The following IL31RA variants were observed in gnomAD, a reference collection of about 807,000 sequenced individuals.
IL31RA encodes the protein interleukin 31 receptor A, also known as interleukin-31 receptor subunit alpha.
Under a neutral mutation model 83.7 loss-of-function variants are expected in IL31RA, and 66 were observed. The observed-to-expected ratio is 0.79, with a 90% CI of 0.65 to 0.97. The LOEUF (loss-of-function observed/expected upper bound fraction) is 0.97. Ranked by LOEUF, IL31RA falls within the 50% of genes least tolerant of loss-of-function variation. The probability of loss-of-function intolerance (pLI) is 0.00; values close to 1 mark genes in which losing one functional copy is unlikely to be tolerated. For missense variants in IL31RA, 798 were observed against 919.4 expected, an observed-to-expected ratio of 0.87 and a Z score of 1.71; for synonymous variants, 325 against 329.0, an observed-to-expected ratio of 0.99 and a Z score of 0.13.
chr5:55,881,284 A>T (rs1287653743), intron 4 of IL31RA, among the ~76,000 whole-genome samples: 1 of 148,976 alleles, frequency 6.7e-6, no homozygotes. Context: ...CGTGGGTGAC[A>T]GAGCAAGGCT....
intron 8 of IL31RA, among the ~76,000 whole-genome samples, chr5:55,904,835 CTTTT>C (rs10651049): frequency 7.5e-6 from 1 of 132,892 alleles, no homozygotes. Flanking sequence ...TTTTGGGTTT[CTTTT>C]TTTTTTTTTT....
the IL31RA span, among the ~76,000 whole-genome samples, chr5:55,842,031 C>T: frequency 6.6e-6 from 1 of 152,084 alleles, no homozygotes; most frequent in African/African-American, 2.4e-5. Context: ...CCTCCCACAT[C>T]AGCCTCCTAA....
chr5:55,890,171 C>G, intron 6 of IL31RA, 36 bp downstream of exon 6: 1 of 1,606,470 alleles, frequency 6.2e-7, no homozygotes, highest in Non-Finnish European at 8.5e-7. Context: ...CCTGTCTGCT[C>G]TGGTGTAGGG....
chr5:55,858,620 CCTTTT>C (rs1334288999), intron 1 of IL31RA, among the ~76,000 whole-genome samples: 1 of 151,946 alleles, frequency 6.6e-6, no homozygotes, highest in Non-Finnish European at 1.5e-5. Context: ...TGTAAAGAAC[CCTTTT>C]CTTTTTTTTT....
chr5:55,893,809 ATT>A (rs66540216), intron 6 of IL31RA, among the ~76,000 whole-genome samples: 2,199 of 125,874 alleles, frequency 0.017, 23 homozygotes, highest in Middle Eastern at 0.06. Context: ...CTATGAGATA[ATT>A]TTTTTTTTTT....
At chr5:55,870,495 A>G (rs1336103849) in intron 3 of IL31RA, among the ~76,000 whole-genome samples, 1 of 152,208 alleles carries the variant, frequency 6.6e-6, no homozygotes, top group African/African-American at 2.4e-5. Context: ...TAGAATGAGA[A>G]TCTGGGCACC....
chr5:55,860,434 C>T (rs1438685430), intron 2 of IL31RA, among the ~76,000 whole-genome samples: 1 of 151,926 alleles, frequency 6.6e-6, no homozygotes, highest in Non-Finnish European at 1.5e-5. Context: ...ACTGCACTCA[C>T]CCATTTTCAG....
intron 2 of IL31RA, among the ~76,000 whole-genome samples, chr5:55,862,358 A>T (rs537127024): frequency 1.3e-5 from 2 of 152,300 alleles, no homozygotes; most frequent in South Asian, 4.1e-4. Context: ...TCCAAATTTT[A>T]TTTGGATTTC....
chr5:55,874,182 G>A (rs960832800), intron 4 of IL31RA, among the ~76,000 whole-genome samples: 1 of 152,020 alleles, frequency 6.6e-6, no homozygotes, highest in African/African-American at 2.4e-5. Context: ...TTGTTGAATT[G>A]TCTTGGCACC....
chr5:55,913,656 A>T (rs1749628378), intron 13 of IL31RA, 86 bp downstream of exon 13: 17 of 834,484 alleles, frequency 2.0e-5, no homozygotes, highest in Non-Finnish European at 3.6e-5. Flanking sequence ...AGGAGAGGGC[A>T]CTCTACCATT....
Position 55,920,222 on chromosome 5 carries a change from G to C in IL31RA, c.*3102G>C, listed in dbSNP as rs1750023918. Among the ~76,000 whole-genome samples the C allele has an allele frequency of 1.3e-5, 2 of 152,188 alleles. No individual in the cohort carries two copies. Among genetic ancestry groups the C allele is most frequent in the African/African-American group, 2.4e-5 (1 of 41,436 alleles). ...CAGTATGGATGCCTCCGGCTGCTCT[G>C]CTGATGCTCTGTGTGCGAGGAAAGC... On this transcript the variant is annotated 3_prime_UTR_variant, in exon 15 of 15. Transcript: ENST00000652347.
chr5:55,876,210 A>G (rs1368669319), intron 4 of IL31RA, among the ~76,000 whole-genome samples: 1 of 152,138 alleles, frequency 6.6e-6, no homozygotes, highest in African/African-American at 2.4e-5. Context: ...GATTGAGACC[A>G]TCCTGGCCAA....
At chr5:55,869,787 T>A (rs570923524) in intron 3 of IL31RA, among the ~76,000 whole-genome samples, 35 of 152,298 alleles carry the variant, frequency 2.3e-4, no homozygotes, top group African/African-American at 8.4e-4. Flanking sequence ...TTAACAAAAA[T>A]TTTTAACATA....
chr5:55,890,253 G>GC lies in IL31RA; in HGVS notation c.772+123dup, dbSNP rs576296824. ...ATCATGGAATCTCATGACCCCAGGG[G>GC]CCCCCTGTACCATCGAGAGTGAGCC... On this transcript the variant is annotated intron_variant, in intron 6 of 14. Transcript: ENST00000652347. 2.8e-4 allele frequency: 275 copies of GC among 997,152 alleles called. No individual in the cohort carries two copies. In the African/African-American group the frequency reaches 4.1e-3, roughly 15 times the overall value. 61.8% of individuals were successfully genotyped at this position (997,152 alleles called of 1,614,324 possible). A position where few individuals can be genotyped will look rare whatever the true frequency, so the allele number is the denominator to read the frequency against.
intron 5 of IL31RA, 137 bp from the exon 6 acceptor site, chr5:55,889,833 T>C: frequency 1.3e-6 from 1 of 789,162 alleles, no homozygotes; most frequent in Non-Finnish European, 2.2e-6. Flanking sequence ...AGTCTGTTAA[T>C]AAAAATGATA....
Position 55,918,406 on chromosome 5 carries a change from A to C in IL31RA, c.*1286A>C, listed in dbSNP as rs1749914944. Among the ~76,000 whole-genome samples, 1 of 152,154 alleles carries C rather than the reference A, an allele frequency of 6.6e-6. No homozygotes were observed. Among genetic ancestry groups the C allele is most frequent in the South Asian group, 2.1e-4 (1 of 4,828 alleles). ...GCAAAACATCACTTTACTTTCCTAA[A>C]ACTAAAATTAATTGCCAGCCTGAGA... On this transcript the variant is annotated 3_prime_UTR_variant, in exon 15 of 15. Transcript: ENST00000652347.
chr5:55,884,920 G>A (rs1747489482), intron 5 of IL31RA, among the ~76,000 whole-genome samples: 1 of 151,896 alleles, frequency 6.6e-6, no homozygotes, highest in South Asian at 2.1e-4. Flanking sequence ...ATCCTGTTTG[G>A]TCACCCAAAA....
At chr5:55,857,355 C>T (rs1274402020) in intron 1 of IL31RA, among the ~76,000 whole-genome samples, 1 of 152,204 alleles carries the variant, frequency 6.6e-6, no homozygotes, top group East Asian at 1.9e-4. Context: ...CCCACCTCAG[C>T]CTCCCAAAGT....
At chr5:55,879,022 T>C (rs928399838) in intron 4 of IL31RA, among the ~76,000 whole-genome samples, 3 of 152,166 alleles carry the variant, frequency 2.0e-5, no homozygotes, top group Non-Finnish European at 2.9e-5. Flanking sequence ...TTATATAATT[T>C]ATTGTATGTC....
Sources: gnomAD v4.1 joint callset for allele counts (sites outside exome capture counted in the v4.1 genomes callset) on GRCh38, gnomAD v4.1.1 for gene constraint, MANE v1.5 for transcripts, NCBI Gene and HGNC (gene_info 2026-07-23, HGNC 2026-07-21) for gene names.